PLPP3: variants seen among roughly 807,000 people sequenced by gnomAD.
PLPP3 encodes PAP2 beta.
Under a neutral mutation model 29.6 loss-of-function variants are expected in PLPP3, and 6 were observed. The ratio of observed to expected loss-of-function variants is 0.20; its 90% confidence interval spans 0.11 to 0.40. The LOEUF (loss-of-function observed/expected upper bound fraction) is 0.40. Among genes scored for constraint, PLPP3 ranks in the 10% least tolerant of loss-of-function variants. The pLI is 1.00. For synonymous variants in PLPP3, 152 were observed against 159.7 expected, an observed-to-expected ratio of 0.95 and a Z score of 0.36; for missense variants, 308 against 407.7, an observed-to-expected ratio of 0.76 and a Z score of 2.11.
intron 4 of PLPP3, chr1:56,517,150 A>G (rs1355344065): frequency 6.6e-6 from 1 of 152,234 alleles, no homozygotes; most frequent in African/African-American, 2.4e-5. Flanking sequence ...AGCTCCGCTA[A>G]GAGTGAAAAG....
chr1:56,500,622 G>A (rs546663485), intron 5 of PLPP3, among the ~76,000 whole-genome samples: 2 of 152,304 alleles, frequency 1.3e-5, no homozygotes, highest in East Asian at 3.9e-4. Context: ...CTTGGGACAT[G>A]TTAAAAGTTC....
chr1:56,536,899 T>C, intron 2 of PLPP3, 56 bp downstream of exon 2: 1 of 1,594,048 alleles, frequency 6.3e-7, no homozygotes, highest in Non-Finnish European at 8.6e-7. Context: ...TTCTATAATA[T>C]GACAATACAG....
intron 1 of PLPP3, among the ~76,000 whole-genome samples, chr1:56,550,129 G>C (rs1232195694): frequency 1.3e-5 from 2 of 152,140 alleles, no homozygotes; most frequent in African/African-American, 4.8e-5. Context: ...CTAAGGAGGG[G>C]AGCCACTCAC....
At chr1:56,499,023 G>A (rs1475179112) in intron 5 of PLPP3, among the ~76,000 whole-genome samples, 1 of 151,952 alleles carries the variant, frequency 6.6e-6, no homozygotes, top group Non-Finnish European at 1.5e-5. Flanking sequence ...CTTTCTCCCA[G>A]AATCCATCCC....
At chr1:56,501,099 A>G in intron 5 of PLPP3, among the ~76,000 whole-genome samples, 1 of 151,638 alleles carries the variant, frequency 6.6e-6, no homozygotes, top group East Asian at 1.9e-4. Flanking sequence ...GGCAGGGATT[A>G]CAGAGTCTAG....
intron 1 of PLPP3, among the ~76,000 whole-genome samples, chr1:56,567,598 T>G (rs1015194569): frequency 6.6e-6 from 1 of 151,872 alleles, no homozygotes; most frequent in South Asian, 2.1e-4. Context: ...GGGGTTTCAC[T>G]GTGTTAGCCA....
At chr1:56,539,221 AAC>A (rs1645951778) in intron 1 of PLPP3, among the ~76,000 whole-genome samples, 1 of 152,182 alleles carries the variant, frequency 6.6e-6, no homozygotes, top group African/African-American at 2.4e-5. Flanking sequence ...TCCCAAGATA[AAC>A]AGTTGTTTAA....
At chr1:56,539,079 G>A (rs1645951069) in intron 1 of PLPP3, among the ~76,000 whole-genome samples, 1 of 151,794 alleles carries the variant, frequency 6.6e-6, no homozygotes, top group Admixed American at 6.6e-5. Flanking sequence ...CCATCTTCAA[G>A]TGGAGGGAAC....
chr1:56,507,259 A>G (rs1176068637), intron 5 of PLPP3, among the ~76,000 whole-genome samples: 1 of 152,218 alleles, frequency 6.6e-6, no homozygotes, highest in African/African-American at 2.4e-5. Flanking sequence ...CTACAAAGTC[A>G]GCTGTGCCAT....
intron 1 of PLPP3, among the ~76,000 whole-genome samples, chr1:56,555,996 A>G (rs548918308): frequency 2.0e-5 from 3 of 152,308 alleles, no homozygotes; most frequent in African/African-American, 7.2e-5. Context: ...AGTATTTTCT[A>G]TTCATGAGTA....
chr1:56,512,932 CCCTACACTA>C (rs1229559538), intron 4 of PLPP3: 1 of 152,058 alleles, frequency 6.6e-6, no homozygotes, highest in Non-Finnish European at 1.5e-5. Context: ...GCTATATAAT[CCCTACACTA>C]CCTGGTGTCA....
intron 4 of PLPP3, among the ~76,000 whole-genome samples, chr1:56,522,970 G>A (rs1467219031): frequency 2.0e-5 from 3 of 152,096 alleles, no homozygotes; most frequent in South Asian, 4.2e-4. Flanking sequence ...GGCAAGCAGG[G>A]CACTTCACCT....
At chr1:56,560,832 C>CT (rs397860682) in intron 1 of PLPP3, among the ~76,000 whole-genome samples, 3,505 of 89,366 alleles carry the variant, frequency 0.039, 289 homozygotes, top group African/African-American at 0.098. Context: ...ATTCAGAGTC[C>CT]TTTTTTTTTT....
chr1:56,541,708 AG>A (rs1387527905), intron 1 of PLPP3, among the ~76,000 whole-genome samples: 1 of 152,202 alleles, frequency 6.6e-6, no homozygotes, highest in African/African-American at 2.4e-5. Context: ...CTATAAAGTA[AG>A]TGAGTCACTC....
At chr1:56,562,785 C>A (rs1646139263) in intron 1 of PLPP3, among the ~76,000 whole-genome samples, 1 of 152,176 alleles carries the variant, frequency 6.6e-6, no homozygotes, top group South Asian at 2.1e-4. Flanking sequence ...GGACACCTGG[C>A]CATGTTTTTT....
intron 5 of PLPP3, among the ~76,000 whole-genome samples, chr1:56,507,309 C>G (rs777285177): frequency 2.0e-5 from 3 of 152,146 alleles, no homozygotes; most frequent in African/African-American, 4.8e-5. Flanking sequence ...TACAAGGCCT[C>G]CAGCTTCAAT....
At chr1:56,575,090 T>C (rs549448601) in intron 1 of PLPP3, among the ~76,000 whole-genome samples, 84 of 152,154 alleles carry the variant, frequency 5.5e-4, no homozygotes, top group African/African-American at 2.0e-3. Flanking sequence ...AGGGTAGACA[T>C]TCAGCATATG....
intron 5 of PLPP3, among the ~76,000 whole-genome samples, chr1:56,504,607 G>T (rs770801091): frequency 6.6e-6 from 1 of 152,086 alleles, no homozygotes; most frequent in African/African-American, 2.4e-5. Context: ...CCCAAGTTTT[G>T]TTGTTCTGCA....
intron 1 of PLPP3, among the ~76,000 whole-genome samples, chr1:56,571,779 T>A (rs1646200298): frequency 6.6e-6 from 1 of 152,212 alleles, no homozygotes; most frequent in South Asian, 2.1e-4. Context: ...TGCAATCAAT[T>A]AATTGCAAAT....
Sources: gnomAD v4.1 joint callset for allele counts (sites outside exome capture counted in the v4.1 genomes callset) on GRCh38, gnomAD v4.1.1 for gene constraint, MANE v1.5 for transcripts, NCBI Gene and HGNC (gene_info 2026-07-23, HGNC 2026-07-21) for gene names.